CDKL1: variants seen among roughly 807,000 people sequenced by gnomAD.
The protein encoded by CDKL1 is cyclin dependent kinase like 1.
In CDKL1, 41 loss-of-function variants were observed where a neutral mutation model predicts 42.0. The ratio of observed to expected loss-of-function variants is 0.98; its 90% CI spans 0.76 to 1.27. CDKL1 has a LOEUF of 1.27. Among genes scored for constraint, CDKL1 ranks in the 50% most tolerant of loss-of-function variants. The pLI is 0.00. For synonymous variants in CDKL1, 153 were observed against 158.6 expected (o/e 0.96, Z 0.26); for missense variants, 394 against 428.4 (o/e 0.92, Z 0.71).
At chr14:50,346,656 T>TG (rs1555340142) in intron 3 of CDKL1, among the ~76,000 whole-genome samples, 2 of 128,594 alleles carry the variant, frequency 1.6e-5, no homozygotes, top group Admixed American at 7.4e-5. Context: ...TTTTTGGTTT[T>TG]TTTTTTTTTT....
intron 2 of CDKL1, among the ~76,000 whole-genome samples, chr14:50,388,368 G>T (rs1277377921): frequency 1.3e-5 from 2 of 152,238 alleles, no homozygotes; most frequent in African/African-American, 4.8e-5. Flanking sequence ...TAAATGCTTT[G>T]GATAACAGGC....
chr14:50,335,163 G>T (rs1170165613), intron 7 of CDKL1, among the ~76,000 whole-genome samples: 1 of 151,806 alleles, frequency 6.6e-6, no homozygotes, highest in Non-Finnish European at 1.5e-5. Context: ...GGGGGTGGTG[G>T]TGTGCGCCTC....
intron 2 of CDKL1, among the ~76,000 whole-genome samples, chr14:50,382,679 G>A (rs72677850): frequency 0.01 from 1,504 of 150,028 alleles, 10 homozygotes; most frequent in Non-Finnish European, 0.016. Flanking sequence ...CTGCAGCCTT[G>A]ACCTTCCAGG....
At chr14:50,394,851 A>T (rs963300310) in intron 2 of CDKL1, among the ~76,000 whole-genome samples, 2 of 152,170 alleles carry the variant, frequency 1.3e-5, no homozygotes, top group African/African-American at 2.4e-5. Context: ...TTGAAAAGTG[A>T]TCAGGCCAGG....
intron 2 of CDKL1, chr14:50,378,228 G>T (rs1299971971): frequency 7.3e-7 from 1 of 1,366,304 alleles, no homozygotes; most frequent in Non-Finnish European, 9.8e-7. Context: ...TTAGGAGGGG[G>T]ATGCCTGTCC....
chr14:50,342,901 C>G (rs923142646), intron 4 of CDKL1: 11 of 1,322,914 alleles, frequency 8.3e-6, no homozygotes, highest in Non-Finnish European at 1.1e-5. Flanking sequence ...GGCAGCAGCC[C>G]TCACCCTCTG....
intron 3 of CDKL1, chr14:50,357,891 A>G: frequency 2.3e-6 from 1 of 426,220 alleles, no homozygotes; most frequent in East Asian, 6.3e-5. Flanking sequence ...ATATAAGGGA[A>G]GCTTATTTGC....
intron 7 of CDKL1, among the ~76,000 whole-genome samples, chr14:50,337,318 T>C (rs1356623215): frequency 1.3e-5 from 2 of 151,072 alleles, no homozygotes; most frequent in Non-Finnish European, 3.0e-5. Flanking sequence ...CTACACTGTT[T>C]TATAACCGTC....
intron 5 of CDKL1, among the ~76,000 whole-genome samples, chr14:50,341,780 C>CAAAAA (rs11381667): frequency 7.7e-6 from 1 of 129,290 alleles, no homozygotes. Flanking sequence ...GACCCTGTCT[C>CAAAAA]AAAAAAAAAA....
intron 2 of CDKL1, among the ~76,000 whole-genome samples, chr14:50,380,620 T>G (rs555280928): frequency 2.6e-5 from 4 of 152,322 alleles, no homozygotes; most frequent in African/African-American, 9.6e-5. Flanking sequence ...CCACTGAATA[T>G]CATGCTGCTC....
At position 50,395,700 on chromosome 14, in the gene CDKL1, C is replaced by T; in HGVS notation, c.168+1G>A. 1 of 1,600,438 alleles carries T rather than the reference C, an allele frequency of 6.2e-7. No homozygotes were observed. The highest frequency in any genetic ancestry group is 8.6e-7 in the Non-Finnish European group (1 of 1,168,778). Reference sequence around the variant, plus strand: ...AAAAAAAGGAAAAGTGAATCAATTACCTTGAGCATTCGGATTTCCCGAAGG... The same window carrying T: ...AAAAAAAGGAAAAGTGAATCAATTATCTTGAGCATTCGGATTTCCCGAAGG... On this transcript the variant is annotated splice_donor_variant, in intron 2 of 9. Coordinates refer to ENST00000395834, the MANE Select transcript of CDKL1 (RefSeq NM_004196.7). LOFTEE classifies it high-confidence loss of function.
chr14:50,340,563 C>G (rs183670813), intron 6 of CDKL1, among the ~76,000 whole-genome samples: 1 of 152,228 alleles, frequency 6.6e-6, no homozygotes, highest in East Asian at 1.9e-4. Flanking sequence ...GACTGAGTGA[C>G]ATTACAACTA....
chr14:50,372,278 T>G (rs2034611702), intron 2 of CDKL1, among the ~76,000 whole-genome samples: 1 of 151,882 alleles, frequency 6.6e-6, no homozygotes. Flanking sequence ...CCACCACACC[T>G]GGCTAATTTC....
intron 3 of CDKL1, among the ~76,000 whole-genome samples, chr14:50,350,591 G>C (rs1049629510): frequency 2.0e-5 from 3 of 152,204 alleles, no homozygotes; most frequent in Non-Finnish European, 2.9e-5. Flanking sequence ...AGTACTCCAA[G>C]GGAGCTGGAC....
chr14:50,379,645 T>C (rs978837283), intron 2 of CDKL1, among the ~76,000 whole-genome samples: 2 of 152,092 alleles, frequency 1.3e-5, no homozygotes, highest in Non-Finnish European at 2.9e-5. Flanking sequence ...GGAGTTCCTA[T>C]AGGTGAGATA....
In CDKL1 at chr14:50,335,856, A is replaced by G. The variant is rs550715341; in HGVS notation, c.739-1235T>C. The G allele has an allele frequency of 8.1e-5, 104 of 1,281,872 alleles. No individual in the cohort carries two copies. In the African/African-American group the frequency reaches 9.8e-4, roughly 12 times the overall value. The allele number at this position is 1,281,872 out of a possible 1,614,324, so 79.4% of individuals were successfully genotyped here. The stretch of plus-strand genomic sequence containing the variant: ...CAATAACCAATTCTGGATTGTACAC[A>G]TACTAATCATTGATAAGAGTAGGAG... On this transcript the variant is annotated intron_variant, in intron 7 of 9. Transcript: ENST00000395834.
intron 2 of CDKL1, chr14:50,378,224 G>A (rs1008659735): frequency 2.9e-6 from 4 of 1,366,392 alleles, no homozygotes; most frequent in Admixed American, 3.8e-5. Context: ...CTCCTTAGGA[G>A]GGGGATGCCT....
At chr14:50,339,522 A>AGAG (rs1566576934) in intron 6 of CDKL1, among the ~76,000 whole-genome samples, 3 of 136,866 alleles carry the variant, frequency 2.2e-5, no homozygotes, top group East Asian at 4.6e-4. Context: ...GGGAGGGAGG[A>AGAG]AGAGAGGGAG....
In CDKL1 at chr14:50,396,211, A is replaced by AGT. The variant is rs2035402532; in HGVS notation, c.-344_-343insAC. ...AAAAAAAAAAAAAAAAAAAAAAAAA[A>AGT]AAGAAAGAAAGAAAAGAAAAGAAAG... On this transcript the variant is annotated 5_prime_UTR_variant, in exon 2 of 10. Coordinates refer to ENST00000395834, the MANE Select transcript of CDKL1 (RefSeq NM_004196.7). 9.8e-7 allele frequency: 1 copy of AGT among 1,017,996 alleles called. No homozygotes were observed. Among genetic ancestry groups the AGT allele is most frequent in the African/African-American group, 1.9e-5 (1 of 53,770 alleles). 63.1% of individuals were successfully genotyped at this position (1,017,996 alleles called of 1,614,324 possible). A position where few individuals can be genotyped will look rare whatever the true frequency, so the allele number is the denominator to read the frequency against.
Sources: gnomAD v4.1 joint callset for allele counts (sites outside exome capture counted in the v4.1 genomes callset) on GRCh38, gnomAD v4.1.1 for gene constraint, MANE v1.5 for transcripts, NCBI Gene and HGNC (gene_info 2026-07-23, HGNC 2026-07-21) for gene names.